The following RBFOX1 variants were observed in gnomAD, a reference collection of about 807,000 sequenced individuals.
The protein encoded by RBFOX1 is RNA binding protein fox-1 homolog 1.
A neutral mutation model predicts 57.7 loss-of-function variants in RBFOX1; 8 were observed. The observed-to-expected ratio is 0.14, with a 90% CI of 0.08 to 0.25. The LOEUF is 0.25. Among genes scored for constraint, RBFOX1 ranks in the 10% least tolerant of loss-of-function variants. The pLI is 1.00. For missense variants in RBFOX1, 611 were observed against 548.5 expected, an observed-to-expected ratio of 1.11 and a Z score of -1.14; for synonymous variants, 326 against 222.4, an observed-to-expected ratio of 1.47 and a Z score of -4.15.
intron 4 of RBFOX1, among the ~76,000 whole-genome samples, chr16:7,182,368 C>A (rs1236715709): frequency 6.6e-6 from 1 of 152,112 alleles, no homozygotes; most frequent in Non-Finnish European, 1.5e-5. Flanking sequence ...TCCTGAAGCC[C>A]CCTCTCTTCA....
At chr16:5,740,100 T>C (rs2052722362) in intron 3 of RBFOX1, among the ~76,000 whole-genome samples, 3 of 152,090 alleles carry the variant, frequency 2.0e-5, no homozygotes. Context: ...AGCCTCGTCC[T>C]GGGAATAGAG....
chr16:7,631,422 C>T (rs544495571), intron 11 of RBFOX1, among the ~76,000 whole-genome samples: 1 of 152,306 alleles, frequency 6.6e-6, no homozygotes, highest in South Asian at 2.1e-4. Flanking sequence ...GCCCTATCCT[C>T]ACCCCAATTC....
At position 6,601,406 on chromosome 16, in the gene RBFOX1, G is replaced by A. The variant is rs114044745; in HGVS notation, c.-63-53197G>A. On this transcript the variant is annotated intron_variant, in intron 2 of 15. Transcript: ENST00000550418. ...GAGTTACGGTGCTTTTGTTGGTATT[G>A]TGGCCAGACTCCGGGAGAGTCCTAA... 5.1e-3 allele frequency among the ~76,000 whole-genome samples: 782 copies of A among 152,226 alleles called. 7 individuals carry two copies. The highest frequency in any genetic ancestry group is 0.017 in the African/African-American group (713 of 41,534).
chr16:6,675,817 C>G (rs1430254841), intron 3 of RBFOX1, among the ~76,000 whole-genome samples: 1 of 152,028 alleles, frequency 6.6e-6, no homozygotes, highest in Non-Finnish European at 1.5e-5. Flanking sequence ...TCAATTATCT[C>G]CCACCAGGCC....
At chr16:7,257,720 T>C (rs2094752329) in intron 4 of RBFOX1, among the ~76,000 whole-genome samples, 1 of 152,226 alleles carries the variant, frequency 6.6e-6, no homozygotes, top group Non-Finnish European at 1.5e-5. Context: ...CCTTGCTCTG[T>C]TCTGCATAGA....
chr16:7,119,415 A>C (rs2066619148), intron 4 of RBFOX1, among the ~76,000 whole-genome samples: 1 of 152,146 alleles, frequency 6.6e-6, no homozygotes, highest in South Asian at 2.1e-4. Context: ...TATCTTAAGG[A>C]AACTCAAATT....
rs1043660312 is a variant in RBFOX1 at position 6,929,009 on chromosome 16, A to G, written c.-15-123048A>G. ...GTGCAAGCGTCATTCACAGACACGC[A>G]TGCTTGAGTTCCAAGGGAGCAGATG... On this transcript the variant is annotated intron_variant, in intron 3 of 15. Coordinates refer to ENST00000550418, the MANE Select transcript of RBFOX1 (RefSeq NM_018723.4). Among the ~76,000 whole-genome samples, 4 of 152,298 alleles carry G rather than the reference A, an allele frequency of 2.6e-5. No individual in the cohort carries two copies. In the Middle Eastern group the frequency reaches 0.01, roughly 389 times the overall value.
intron 5 of RBFOX1, among the ~76,000 whole-genome samples, chr16:7,575,897 C>T (rs2093293329): frequency 6.6e-6 from 1 of 152,110 alleles, no homozygotes; most frequent in Admixed American, 6.5e-5. Flanking sequence ...GCATTTCATC[C>T]TTCCCACTAT....
At chr16:7,602,634 G>A (rs991973168) in intron 9 of RBFOX1, among the ~76,000 whole-genome samples, 1 of 152,132 alleles carries the variant, frequency 6.6e-6, no homozygotes, top group South Asian at 2.1e-4. Context: ...AGGGAATGTG[G>A]GTTCATTTGC....
chr16:6,041,343 T>C (rs1053284860), intron 1 of RBFOX1, among the ~76,000 whole-genome samples: 2 of 152,026 alleles, frequency 1.3e-5, no homozygotes, highest in African/African-American at 4.8e-5. Flanking sequence ...GCTGGGGTGG[T>C]GGGGAGAGGA....
At chr16:7,054,838 G>A (rs765396265) in intron 4 of RBFOX1, among the ~76,000 whole-genome samples, 10 of 152,160 alleles carry the variant, frequency 6.6e-5, no homozygotes, top group Non-Finnish European at 1.5e-4. Context: ...GCATTCTGTT[G>A]TCAGAATTCA....
intron 1 of RBFOX1, among the ~76,000 whole-genome samples, chr16:5,370,541 G>A (rs1321695365): frequency 6.6e-6 from 1 of 151,184 alleles, no homozygotes; most frequent in Non-Finnish European, 1.5e-5. Flanking sequence ...CACCCAGGAT[G>A]GAATGCAGCA....
At chr16:7,322,118 G>A (rs565493028) in intron 4 of RBFOX1, among the ~76,000 whole-genome samples, 5 of 152,326 alleles carry the variant, frequency 3.3e-5, no homozygotes, top group African/African-American at 1.2e-4. Context: ...TCATTGGTCT[G>A]ATAACATATT....
chr16:7,072,227 G>C (rs116426592), intron 4 of RBFOX1, among the ~76,000 whole-genome samples: 1,532 of 152,232 alleles, frequency 0.01, 30 homozygotes, highest in African/African-American at 0.035. Flanking sequence ...TATGATCACT[G>C]AACCTTCTAT....
chr16:5,836,906 G>C (rs534512565), intron 3 of RBFOX1, among the ~76,000 whole-genome samples: 2 of 152,262 alleles, frequency 1.3e-5, no homozygotes, highest in Admixed American at 6.5e-5. Context: ...CTTCTGACTT[G>C]TTTCCTGGTC....
chr16:5,871,811 T>C (rs1000235182), intron 4 of RBFOX1, among the ~76,000 whole-genome samples: 4 of 152,230 alleles, frequency 2.6e-5, no homozygotes, highest in Admixed American at 2.6e-4. Flanking sequence ...TTAATGGCAA[T>C]GTAAACTCAG....
chr16:6,298,415 C>T (rs1189584687), intron 1 of RBFOX1, among the ~76,000 whole-genome samples: 2 of 152,176 alleles, frequency 1.3e-5, no homozygotes, highest in Non-Finnish European at 2.9e-5. Context: ...ACTTCATGTA[C>T]ACAATGCATC....
chr16:5,516,275 C>T (rs892128908), intron 2 of RBFOX1, among the ~76,000 whole-genome samples: 1 of 152,090 alleles, frequency 6.6e-6, no homozygotes, highest in South Asian at 2.1e-4. Flanking sequence ...TATTTCCTAT[C>T]TTCCATCACT....
At chr16:7,199,317 T>A (rs1017602598) in intron 4 of RBFOX1, among the ~76,000 whole-genome samples, 4 of 129,202 alleles carry the variant, frequency 3.1e-5, no homozygotes, top group Admixed American at 7.4e-5. Context: ...ATCCACTGAG[T>A]GTTTAAAGGG....
Sources: gnomAD v4.1 joint callset for allele counts (sites outside exome capture counted in the v4.1 genomes callset) on GRCh38, gnomAD v4.1.1 for gene constraint, MANE v1.5 for transcripts, NCBI Gene and HGNC (gene_info 2026-07-23, HGNC 2026-07-21) for gene names.